The following CNOT2 variants were observed in gnomAD, a reference collection of about 807,000 sequenced individuals.
The protein encoded by CNOT2 is CC chemokine receptor 4-negative regulator of transcription 2.
A neutral mutation model predicts 72.1 loss-of-function variants in CNOT2; 7 were observed. The observed-to-expected ratio is 0.10, with a 90% confidence interval of 0.06 to 0.18. The LOEUF (loss-of-function observed/expected upper bound fraction) is 0.18, where lower values mean the gene tolerates loss of function less well. CNOT2 is among the 10% of genes least tolerant of loss of function. CNOT2 has a pLI of 1.00. For synonymous variants in CNOT2, 196 were observed against 225.6 expected (o/e 0.87, Z 1.17); for missense variants, 345 against 660.3 (o/e 0.52, Z 5.23).
chr12:70,271,628 C>T (rs1354832181), intron 1 of CNOT2, among the ~76,000 whole-genome samples: 1 of 152,046 alleles, frequency 6.6e-6, no homozygotes, highest in African/African-American at 2.4e-5. Context: ...CCGCCTCAGC[C>T]TCCCAAACTG....
At chr12:70,351,357 G>A (rs527360436) in intron 15 of CNOT2, among the ~76,000 whole-genome samples, 4 of 152,226 alleles carry the variant, frequency 2.6e-5, no homozygotes, top group African/African-American at 9.6e-5. Context: ...TAGTATGTGT[G>A]TGTATATATA....
At chr12:70,264,943 C>A (rs1315477767) in intron 1 of CNOT2, among the ~76,000 whole-genome samples, 1 of 151,790 alleles carries the variant, frequency 6.6e-6, no homozygotes, top group Non-Finnish European at 1.5e-5. Context: ...TGTTTTTTTT[C>A]ATTGATTGAA....
chr12:70,329,511 C>A lies in CNOT2; in HGVS notation c.327C>A (p.His109Gln). The A allele has an allele frequency of 1.9e-6, 3 of 1,611,016 alleles. No individual in the cohort carries two copies. Among genetic ancestry groups the A allele is most frequent in the Non-Finnish European group, 2.5e-6 (3 of 1,177,606 alleles). The change falls in exon 5 of 16, where the codon CAC becomes CAA. Residue 109 changes from histidine (H) to glutamine (Q), a missense_variant. By Grantham distance (24) the His-to-Gln change is conservative (BLOSUM62 0). Coordinates refer to ENST00000229195, the MANE Select transcript of CNOT2 (RefSeq NM_014515.7). ...CACAAGGCACTCAGTTACCGAGCCA[C>A]GTCACGCCAACAACAGGGGTACCAA... ...SLSQGTQLPS[H>Q]VTPTTGVPTM...
At chr12:70,301,071 G>T (rs1436232631) in intron 2 of CNOT2, among the ~76,000 whole-genome samples, 1 of 152,126 alleles carries the variant, frequency 6.6e-6, no homozygotes, top group Non-Finnish European at 1.5e-5. Context: ...CATTGATCTT[G>T]TATCCCGAGA....
At chr12:70,341,809 T>C (rs1010525977) in intron 11 of CNOT2, among the ~76,000 whole-genome samples, 1 of 152,226 alleles carries the variant, frequency 6.6e-6, no homozygotes, top group African/African-American at 2.4e-5. Flanking sequence ...ATTTAAAGCA[T>C]CTTGAGTTGA....
chr12:70,316,540 A>G (rs2135974788), intron 3 of CNOT2, among the ~76,000 whole-genome samples: 1 of 152,342 alleles, frequency 6.6e-6, no homozygotes, highest in African/African-American at 2.4e-5. Flanking sequence ...TTGAGGCAGT[A>G]ATTTTAAGAT....
intron 1 of CNOT2, among the ~76,000 whole-genome samples, chr12:70,274,394 A>C (rs1055396245): frequency 2.0e-5 from 3 of 152,094 alleles, no homozygotes; most frequent in Non-Finnish European, 4.4e-5. Context: ...AGTTTGTCCT[A>C]ATTAATAGCC....
intron 2 of CNOT2, among the ~76,000 whole-genome samples, chr12:70,304,234 G>A (rs567219524): frequency 3.2e-4 from 48 of 152,212 alleles, no homozygotes; most frequent in African/African-American, 1.0e-3. Context: ...GCTTTGTTCC[G>A]TTGCTGGTGA....
At chr12:70,334,798 T>C (rs917745917) in intron 7 of CNOT2, 5 of 152,150 alleles carry the variant, frequency 3.3e-5, no homozygotes, top group African/African-American at 1.2e-4. Flanking sequence ...ATAGGTAATA[T>C]AAACTTCTGG....
At chr12:70,352,275 T>A (rs1459210969) in intron 15 of CNOT2, among the ~76,000 whole-genome samples, 1 of 152,206 alleles carries the variant, frequency 6.6e-6, no homozygotes, top group Non-Finnish European at 1.5e-5. Flanking sequence ...CCAAGTTACT[T>A]GTAAGCCTCA....
intron 1 of CNOT2, among the ~76,000 whole-genome samples, chr12:70,269,473 G>A (rs759903515): frequency 1.3e-5 from 2 of 152,078 alleles, no homozygotes; most frequent in Non-Finnish European, 2.9e-5. Flanking sequence ...AAATACATAT[G>A]CTTATGAGGT....
At chr12:70,319,272 C>T in intron 3 of CNOT2, 26 bp from the exon 4 acceptor site, 2 of 1,600,020 alleles carry the variant, frequency 1.2e-6, no homozygotes, top group Non-Finnish European at 1.7e-6. Flanking sequence ...TTTCTTTATG[C>T]TCTAATATAA....
At chr12:70,347,010 G>A (rs1882261236) in intron 15 of CNOT2, among the ~76,000 whole-genome samples, 1 of 151,812 alleles carries the variant, frequency 6.6e-6, no homozygotes, top group African/African-American at 2.4e-5. Context: ...CATGTGGAGA[G>A]AATATATTCT....
intron 2 of CNOT2, among the ~76,000 whole-genome samples, chr12:70,292,057 C>T (rs1404949799): frequency 6.6e-6 from 1 of 152,166 alleles, no homozygotes; most frequent in African/African-American, 2.4e-5. Context: ...TCTCACAGTA[C>T]TCCAAAACAT....
intron 2 of CNOT2, among the ~76,000 whole-genome samples, chr12:70,310,587 A>T (rs1876277671): frequency 6.6e-6 from 1 of 151,988 alleles, no homozygotes; most frequent in Non-Finnish European, 1.5e-5. Flanking sequence ...TTTTTAAAAA[A>T]TCTATGTATG....
chr12:70,297,786 G>A (rs1301458223), intron 2 of CNOT2: 5 of 350,934 alleles, frequency 1.4e-5, no homozygotes, highest in Non-Finnish European at 2.8e-5. Flanking sequence ...CACCCAGGCT[G>A]GACTGCAGTG....
intron 1 of CNOT2, among the ~76,000 whole-genome samples, chr12:70,276,826 C>G (rs920714538): frequency 1.3e-5 from 2 of 151,936 alleles, no homozygotes; most frequent in African/African-American, 4.8e-5. Flanking sequence ...TAAACGTACA[C>G]TGTAAGATAG....
At chr12:70,306,000 A>C (rs138062285) in intron 2 of CNOT2, among the ~76,000 whole-genome samples, 1,895 of 151,766 alleles carry the variant, frequency 0.012, 18 homozygotes, top group Non-Finnish European at 0.02. Context: ...TCTAAACTAA[A>C]TAATGAAGGA....
intron 2 of CNOT2, among the ~76,000 whole-genome samples, chr12:70,294,941 C>T (rs189088121): frequency 2.7e-3 from 416 of 151,502 alleles, no homozygotes; most frequent in Non-Finnish European, 3.5e-3. Flanking sequence ...GATCCTGTGT[C>T]GTGTGTGTGT....
Sources: allele counts gnomAD v4.1 joint callset (sites outside exome capture counted in the v4.1 genomes callset), GRCh38; gene constraint gnomAD v4.1.1; transcripts MANE v1.5; gene names NCBI Gene and HGNC (gene_info 2026-07-23, HGNC 2026-07-21).